CHRM2: variants seen among roughly 807,000 people sequenced by gnomAD.
CHRM2 encodes the protein cholinergic receptor muscarinic 2, also known as muscarinic acetylcholine receptor M2.
In CHRM2, 8 loss-of-function variants were observed where a neutral mutation model predicts 25.0. That is an observed-to-expected ratio of 0.32 (90% CI 0.19 to 0.58). The LOEUF (loss-of-function observed/expected upper bound fraction) is 0.58. CHRM2 is among the 20% of genes least tolerant of loss of function. CHRM2 has a pLI of 0.88. For missense variants in CHRM2, 440 were observed against 567.1 expected, an observed-to-expected ratio of 0.78 and a Z score of 2.28; for synonymous variants, 202 against 205.7, an observed-to-expected ratio of 0.98 and a Z score of 0.15.
At chr7:136,911,994 T>C (rs1344927650) in intron 2 of CHRM2, among the ~76,000 whole-genome samples, 2 of 152,044 alleles carry the variant, frequency 1.3e-5, no homozygotes, top group East Asian at 3.9e-4. Flanking sequence ...AAATTAAGAA[T>C]AATGGGCTAA....
rs183525096 is a variant in CHRM2, at chr7:136,962,701, C to T, written c.-124-29486C>T. 2.6e-5 allele frequency among the ~76,000 whole-genome samples: 4 copies of T among 152,272 alleles called. No individual in the cohort carries two copies. The East Asian group carries it at 5.8e-4, about 22-fold the overall frequency. On this transcript the variant is annotated intron_variant, in intron 2 of 3. Transcript: ENST00000680005. ...GTACAAACTTGCAAGATAAGTTTCACCTGCCAGAGAACGACATTGTATTAG... is the reference window on the plus strand; with the variant it reads ...GTACAAACTTGCAAGATAAGTTTCATCTGCCAGAGAACGACATTGTATTAG...
chr7:136,889,468 AG>A (rs1796607967), intron 2 of CHRM2, among the ~76,000 whole-genome samples: 1 of 152,190 alleles, frequency 6.6e-6, no homozygotes, highest in African/African-American at 2.4e-5. Context: ...AAAGTATTTA[AG>A]GGTTTCCCAA....
intron 2 of CHRM2, chr7:136,938,166 G>T: frequency 1.4e-6 from 1 of 698,444 alleles, no homozygotes; most frequent in Admixed American, 2.0e-5. Flanking sequence ...TACTATCTCT[G>T]CCCACTCTTC....
At chr7:136,935,106 G>T (rs953346110) in intron 2 of CHRM2, among the ~76,000 whole-genome samples, 2 of 151,976 alleles carry the variant, frequency 1.3e-5, no homozygotes, top group Non-Finnish European at 2.9e-5. Flanking sequence ...AATAAACAAA[G>T]TCTAAAATTT....
At chr7:136,883,610 T>C (rs998316698) in intron 2 of CHRM2, among the ~76,000 whole-genome samples, 3 of 152,178 alleles carry the variant, frequency 2.0e-5, no homozygotes, top group Non-Finnish European at 4.4e-5. Context: ...TTATTTTCAA[T>C]CTTAGACTTG....
chr7:136,975,181 T>A (rs932325995), intron 2 of CHRM2, among the ~76,000 whole-genome samples: 2 of 152,270 alleles, frequency 1.3e-5, no homozygotes, highest in South Asian at 4.1e-4. Flanking sequence ...AGCTGGGGTA[T>A]CAGAGAAAAG....
In CHRM2 at chr7:137,008,610, T is replaced by C. The variant is rs144983315; in HGVS notation, c.-46-6210T>C. On this transcript the variant is annotated intron_variant, in intron 3 of 3. Coordinates refer to ENST00000680005, the MANE Select transcript of CHRM2 (RefSeq NM_001006630.2). ...GTGGGCAAGAAACGCCAAAGAACTCTGCCATTTTTTGATAATGTGTTCAAA... is the reference window on the plus strand; with the variant it reads ...GTGGGCAAGAAACGCCAAAGAACTCCGCCATTTTTTGATAATGTGTTCAAA... 7.5e-3 allele frequency among the ~76,000 whole-genome samples: 1,134 copies of C among 152,200 alleles called. 20 individuals are homozygous for C. The highest frequency in any genetic ancestry group is 0.026 in the African/African-American group (1,076 of 41,570).
chr7:136,988,041 T>C (rs1450139495), intron 2 of CHRM2, among the ~76,000 whole-genome samples: 1 of 150,858 alleles, frequency 6.6e-6, no homozygotes, highest in Non-Finnish European at 1.5e-5. Flanking sequence ...TAGAATTTTA[T>C]GTATAATATA....
chr7:137,015,475 G>A lies in CHRM2; in HGVS notation c.610G>A (p.Val204Met), dbSNP rs1232704795. ...AFYLPVIIMT[V>M]LYWHISRASK... ...CTATTTGCCAGTGATCATCATGACT[G>A]TGCTATATTGGCACATATCCCGAGC... The change falls in exon 4 of 4, where the codon GTG (valine) becomes ATG (methionine). Residue 204 changes from valine to methionine, a missense_variant. Val to Met is a conservative substitution (Grantham distance 21). Coordinates refer to ENST00000680005, the MANE Select transcript of CHRM2 (RefSeq NM_001006630.2). This position sits in a 1 kb window ranked among gnomAD's most constrained non-coding sequence, Gnocchi z 5.1. 18 of 1,613,284 alleles carry A rather than the reference G, an allele frequency of 1.1e-5. No homozygotes were observed. The highest frequency in any genetic ancestry group is 1.5e-5 in the Non-Finnish European group (18 of 1,179,622).
chr7:136,906,148 G>A (rs567870862), intron 2 of CHRM2, among the ~76,000 whole-genome samples: 3 of 149,344 alleles, frequency 2.0e-5, no homozygotes, highest in East Asian at 2.0e-4. Context: ...GTGTATATAT[G>A]TATACATATA....
chr7:136,901,842 G>C (rs1186816641), intron 2 of CHRM2: 2 of 151,800 alleles, frequency 1.3e-5, no homozygotes, highest in Non-Finnish European at 2.9e-5. Context: ...ATGGACTCAG[G>C]GGCTGACCTC....
At chr7:136,956,719 C>G (rs1487134858) in intron 2 of CHRM2, among the ~76,000 whole-genome samples, 1 of 152,094 alleles carries the variant, frequency 6.6e-6, no homozygotes, top group East Asian at 1.9e-4. Flanking sequence ...ACTCAAATCC[C>G]TTTGTCTGTA....
intron 2 of CHRM2, among the ~76,000 whole-genome samples, chr7:136,957,490 A>G (rs1430045002): frequency 1.3e-5 from 2 of 152,218 alleles, no homozygotes; most frequent in Non-Finnish European, 2.9e-5. Flanking sequence ...ATGACAGTCT[A>G]TTTATTTGCT....
chr7:136,975,559 A>G (rs545682314), intron 2 of CHRM2, among the ~76,000 whole-genome samples: 9 of 152,234 alleles, frequency 5.9e-5, no homozygotes, highest in Non-Finnish European at 1.0e-4. Context: ...TTCCCCAATA[A>G]AACATAACAA....
intron 2 of CHRM2, among the ~76,000 whole-genome samples, chr7:136,880,494 G>A (rs1796223401): frequency 6.6e-6 from 1 of 151,774 alleles, no homozygotes; most frequent in Non-Finnish European, 1.5e-5. Flanking sequence ...AAATTCCTGA[G>A]TGTTCTTACT....
At chr7:136,986,830 C>T (rs1802889120) in intron 2 of CHRM2, among the ~76,000 whole-genome samples, 1 of 152,148 alleles carries the variant, frequency 6.6e-6, no homozygotes, top group African/African-American at 2.4e-5. Context: ...CCAGATTGAA[C>T]AGAAGTTTTA....
At chr7:136,956,474 T>C (rs991777689) in intron 2 of CHRM2, among the ~76,000 whole-genome samples, 1 of 152,152 alleles carries the variant, frequency 6.6e-6, no homozygotes, top group African/African-American at 2.4e-5. Context: ...ACAGGAAGCC[T>C]GGATTGAAAA....
chr7:136,993,359 A>G (rs1803360311), intron 3 of CHRM2, among the ~76,000 whole-genome samples: 1 of 152,198 alleles, frequency 6.6e-6, no homozygotes, highest in Non-Finnish European at 1.5e-5. Context: ...GCTGGCACAT[A>G]ACTTACTCAT....
At chr7:136,870,947 T>A (rs1047250961) in intron 2 of CHRM2, 3 of 152,516 alleles carry the variant, frequency 2.0e-5, no homozygotes, top group African/African-American at 7.2e-5. Context: ...GCTCTTTTCT[T>A]AGCGCTGGGT....
Sources: allele counts gnomAD v4.1 joint callset (sites outside exome capture counted in the v4.1 genomes callset), GRCh38; gene constraint gnomAD v4.1.1; non-coding constraint Gnocchi (gnomAD v3.1); transcripts MANE v1.5; gene names NCBI Gene and HGNC (gene_info 2026-07-23, HGNC 2026-07-21).